Variants in EFS observed in about 807,000 individuals in gnomAD.
The protein encoded by EFS is Cas scaffolding protein family member 3.
In EFS, 34 loss-of-function variants were observed where a neutral mutation model predicts 42.2. That is an observed-to-expected ratio of 0.81 (90% CI 0.61 to 1.07). The LOEUF (loss-of-function observed/expected upper bound fraction) is 1.07. Ranked by LOEUF, EFS falls within the 50% of genes least tolerant of loss-of-function variation. The probability of loss-of-function intolerance (pLI) is 0.00; values close to 1 mark genes in which losing one functional copy is unlikely to be tolerated. For missense variants in EFS, 717 were observed against 729.4 expected (o/e 0.98, Z 0.20); for synonymous variants, 299 against 320.7 (o/e 0.93, Z 0.72).
rs760082284 is a variant in EFS, at chr14:23,360,673, G to A, written c.179C>T (p.Ala60Val). Residue 60 changes from alanine (A) to valine (V), a missense_variant, in exon 2 of 6, where the codon GCC (alanine) becomes GTC (valine). Coordinates refer to ENST00000216733, the MANE Select transcript of EFS (RefSeq NM_005864.4). Reference protein sequence around the residue: ...SLHGQQGIVPANRVKLLPAGP... With the variant: ...SLHGQQGIVPVNRVKLLPAGP... Reference sequence around the variant, plus strand: ...AGCAGGCAAGAGCTTCACCCTGTTGGCGGGCACAATGCCCTGCTGGCCGTG... The same window carrying A: ...AGCAGGCAAGAGCTTCACCCTGTTGACGGGCACAATGCCCTGCTGGCCGTG... 5 of 1,613,774 alleles carry A rather than the reference G, an allele frequency of 3.1e-6. No individual in the cohort carries two copies. The highest frequency in any genetic ancestry group is 4.2e-6 in the Non-Finnish European group (5 of 1,179,964).
At chr14:23,362,589 C>A (rs575488514) in intron 1 of EFS, among the ~76,000 whole-genome samples, 282 of 152,350 alleles carry the variant, frequency 1.9e-3, no homozygotes, top group African/African-American at 6.4e-3. Context: ...AAGAAACGTG[C>A]TAACCAGATG....
chr14:23,360,530 G>T (rs745816628), intron 2 of EFS, 25 bp downstream of exon 2: 1 of 1,523,720 alleles, frequency 6.6e-7, no homozygotes, highest in Admixed American at 2.2e-5. Context: ...TTCTGGCTTG[G>T]GGTTGGGGAG....
In EFS at chr14:23,365,101, T is replaced by C. The variant is rs540133022; in HGVS notation, c.-76A>G. On this transcript the variant is annotated 5_prime_UTR_variant, in exon 1 of 6. It removes an upstream start codon present in the reference 5' UTR. Coordinates refer to ENST00000216733, the MANE Select transcript of EFS (RefSeq NM_005864.4). The surrounding 1 kb of genome is among the most constrained non-coding windows in gnomAD (Gnocchi z 5.3). Reference sequence around the variant, plus strand: ...CTTCAGCGGTGGCTGCCCCGCACCATGGTCCGCGGCCTCTAGCCCCCAGCT... The same window carrying C: ...CTTCAGCGGTGGCTGCCCCGCACCACGGTCCGCGGCCTCTAGCCCCCAGCT... The C allele has an allele frequency of 3.1e-5, 39 of 1,239,228 alleles. No homozygotes were observed. Among genetic ancestry groups the C allele is most frequent in the African/African-American group, 4.7e-5 (3 of 64,460 alleles). The allele number at this position is 1,239,228 out of a possible 1,614,324, so 76.8% of individuals were successfully genotyped here.
In EFS at chr14:23,360,143, C is replaced by G. The variant is rs1057412948; in HGVS notation, c.436G>C (p.Glu146Gln). The G allele has an allele frequency of 1.9e-6, 3 of 1,614,072 alleles. No individual in the cohort carries two copies. The highest frequency in any genetic ancestry group is 2.5e-6 in the Non-Finnish European group (3 of 1,180,044). ...TQLAAPRDAL[E>Q]VYDVPPTALR... is the part of the protein sequence containing the mutation. ...ACACAGGGACCTCTAGCCCTCACCT[C>G]CAAGGCATCTCTGGGAGCAGCCAGC... Residue 146 changes from glutamate (E) to glutamine (Q), a missense_variant and splice_region_variant, in exon 3 of 6, where the codon GAG (glutamate) becomes CAG (glutamine). Physicochemically the swap from Glu to Gln is conservative, Grantham distance 29. Transcript: ENST00000216733.
intron 3 of EFS, 26 bp from the exon 4 acceptor site, chr14:23,360,065 T>C (rs778241874): frequency 6.2e-7 from 1 of 1,614,002 alleles, no homozygotes; most frequent in South Asian, 1.1e-5. Context: ...GTCAGTCATC[T>C]GTCAGCTCAG....
Position 23,360,301 on chromosome 14 carries a change from G to C in EFS, c.298-20C>G, listed in dbSNP as rs766968666. On this transcript the variant is annotated intron_variant, in intron 2 of 5. Coordinates refer to ENST00000216733, the MANE Select transcript of EFS (RefSeq NM_005864.4). ...ATACACCTGAGGGATCAAATAGATG[G>C]GGGGTCAGGAGGAACGGAGGGGCCG... 6.3e-7 allele frequency: 1 copy of C among 1,599,460 alleles called. No homozygotes were observed.
At position 23,360,622 on chromosome 14, in the gene EFS, G is replaced by A. The variant is rs566332564; in HGVS notation, c.230C>T (p.Ser77Phe). ...PAGPAPKPSL[S>F]PASPAQPGSP... ...GCCAGGCTGGGCTGGGGACGCAGGA[G>A]AGAGGCTGGGCTTGGGTGCTGGGCC... Residue 77 changes from serine (S) to phenylalanine (F), a missense_variant, in exon 2 of 6, where the codon TCT (serine) becomes TTT (phenylalanine). Coordinates refer to ENST00000216733, the MANE Select transcript of EFS (RefSeq NM_005864.4). 1 of 1,602,526 alleles carries A rather than the reference G, an allele frequency of 6.2e-7. No homozygotes were observed. The highest frequency in any genetic ancestry group is 1.3e-5 in the African/African-American group (1 of 74,884).
chr14:23,358,786 C>T (rs1890009911), intron 5 of EFS, 90 bp downstream of exon 5: 1 of 1,248,534 alleles, frequency 8.0e-7, no homozygotes, highest in Non-Finnish European at 1.1e-6. Flanking sequence ...TAACCTATTT[C>T]CTTCCACGGT....
At chr14:23,360,111 C>G (rs1566491469) in intron 3 of EFS, 30 bp downstream of exon 3, 7 of 1,614,138 alleles carry the variant, frequency 4.3e-6, no homozygotes, top group Non-Finnish European at 5.1e-6. Context: ...TGTCTCCCAC[C>G]CAACATACAC....
intron 1 of EFS, among the ~76,000 whole-genome samples, chr14:23,361,818 C>T (rs1014594946): frequency 2.4e-4 from 37 of 152,234 alleles, no homozygotes; most frequent in Admixed American, 6.5e-5. Context: ...TCATTTAATT[C>T]TCACAACAAC....
chr14:23,361,731 C>G (rs1890161279), intron 1 of EFS, among the ~76,000 whole-genome samples: 1 of 152,194 alleles, frequency 6.6e-6, no homozygotes, highest in South Asian at 2.1e-4. Flanking sequence ...GCCACAGGCT[C>G]AGGTAATAAC....
At position 23,360,687 on chromosome 14, in the gene EFS, C is replaced by T; in HGVS notation, c.165G>A (p.Gln55=). The T allele has an allele frequency of 6.2e-7, 1 of 1,614,020 alleles. No individual in the cohort carries two copies. The highest frequency in any genetic ancestry group is 8.5e-7 in the Non-Finnish European group (1 of 1,180,008). Residue 55 remains glutamine (Q), a synonymous_variant, in exon 2 of 6, where the codon CAG becomes CAA. Transcript: ENST00000216733. Reference sequence around the variant, plus strand: ...TCACCCTGTTGGCGGGCACAATGCCCTGCTGGCCGTGTAGGGAGCAGAGGC... The same window carrying T: ...TCACCCTGTTGGCGGGCACAATGCCTTGCTGGCCGTGTAGGGAGCAGAGGC... The part of the protein sequence containing the change: ...GWCLCSLHGQ[Q]GIVPANRVKL...
intron 4 of EFS, 46 bp from the exon 5 acceptor site, chr14:23,359,011 CG>C: frequency 6.5e-7 from 1 of 1,530,916 alleles, no homozygotes; most frequent in South Asian, 1.2e-5. Flanking sequence ...GGGAGCAGGA[CG>C]GGGTGGCCTC....
At chr14:23,360,119 C>T (rs1346739813) in intron 3 of EFS, 22 bp downstream of exon 3, 1 of 1,614,052 alleles carries the variant, frequency 6.2e-7, no homozygotes, top group Non-Finnish European at 8.5e-7. Context: ...ACCCAACATA[C>T]ACAGGGACCT....
chr14:23,356,893 C>T lies in EFS; in HGVS notation c.*333G>A, dbSNP rs1889927203. ...TTTCTGCCACCTGACTTTTCACAGCCAGTCTTCCAGAGGTGGGTGGTAGTG... is the reference window on the plus strand; with the variant it reads ...TTTCTGCCACCTGACTTTTCACAGCTAGTCTTCCAGAGGTGGGTGGTAGTG... On this transcript the variant is annotated 3_prime_UTR_variant, in exon 6 of 6. Transcript: ENST00000216733. 5.0e-6 allele frequency: 1 copy of T among 200,822 alleles called. No individual in the cohort carries two copies. The highest frequency in any genetic ancestry group is 9.9e-6 in the Non-Finnish European group (1 of 100,842). 12.4% of individuals were successfully genotyped at this position (200,822 alleles called of 1,614,324 possible).
In EFS at chr14:23,359,524, G is replaced by A. The variant is rs1438301904; in HGVS notation, c.954C>T (p.Pro318=). The A allele has an allele frequency of 1.3e-6, 2 of 1,538,868 alleles. No individual in the cohort carries two copies. The highest frequency in any genetic ancestry group is 8.7e-7 in the Non-Finnish European group (1 of 1,149,022). ...CTGGGGCAGGAGAGGGCACTGGGGAGGGGCTGGGGGCCTCAGGGACAGGCA... is the reference window on the plus strand; with the variant it reads ...CTGGGGCAGGAGAGGGCACTGGGGAAGGGCTGGGGGCCTCAGGGACAGGCA... ...PALPVPEAPS[P]SPVPSPAPGR... Residue 318 remains proline, a synonymous_variant, in exon 4 of 6, where the codon CCC becomes CCT. Transcript: ENST00000216733.
chr14:23,362,502 CTCT>C (rs1238153058), intron 1 of EFS, among the ~76,000 whole-genome samples: 1 of 152,166 alleles, frequency 6.6e-6, no homozygotes, highest in Non-Finnish European at 1.5e-5. Flanking sequence ...AAATTGACCC[CTCT>C]TCTTGCCTGA....
At chr14:23,358,810 C>A (rs1383717212) in intron 5 of EFS, 66 bp downstream of exon 5, 2 of 1,436,626 alleles carry the variant, frequency 1.4e-6, no homozygotes, top group Non-Finnish European at 1.9e-6. Flanking sequence ...TGGCTCAGTT[C>A]TTCTCCCAAG....
intron 2 of EFS, 98 bp downstream of exon 2, chr14:23,360,457 A>T (rs1426311859): frequency 1.2e-5 from 18 of 1,497,842 alleles, no homozygotes; most frequent in Non-Finnish European, 1.4e-5. Context: ...CTGTGGCCTC[A>T]GGGCTCTTCC....
Sources: gnomAD v4.1 joint callset for allele counts (sites outside exome capture counted in the v4.1 genomes callset) on GRCh38, gnomAD v4.1.1 for gene constraint, Gnocchi (gnomAD v3.1) non-coding constraint, MANE v1.5 for transcripts, NCBI Gene and HGNC (gene_info 2026-07-23, HGNC 2026-07-21) for gene names.